RBFOX1: variants seen among roughly 807,000 people sequenced by gnomAD.
RBFOX1 encodes RNA binding protein fox-1 homolog 1.
Under a neutral mutation model 57.7 loss-of-function variants are expected in RBFOX1, and 8 were observed. The observed-to-expected ratio is 0.14, with a 90% CI of 0.08 to 0.25. RBFOX1 has a LOEUF of 0.25. Among genes scored for constraint, RBFOX1 ranks in the 10% least tolerant of loss-of-function variants. The pLI, the probability that RBFOX1 is intolerant of heterozygous loss-of-function variation, is 1.00. For missense variants in RBFOX1, 611 were observed against 548.5 expected (o/e 1.11, Z -1.14); for synonymous variants, 326 against 222.4 (o/e 1.47, Z -4.15).
chr16:7,656,514 A>C (rs1047745272), intron 12 of RBFOX1, among the ~76,000 whole-genome samples: 1 of 152,216 alleles, frequency 6.6e-6, no homozygotes, highest in South Asian at 2.1e-4. Flanking sequence ...GAAAGCAAGT[A>C]GCATAGAGGT....
At chr16:7,224,859 A>G in intron 4 of RBFOX1, among the ~76,000 whole-genome samples, 1 of 152,196 alleles carries the variant, frequency 6.6e-6, no homozygotes, top group Non-Finnish European at 1.5e-5. Flanking sequence ...CTACTGGATC[A>G]GAATGTGCAC....
At chr16:5,869,431 C>G (rs967390947) in intron 4 of RBFOX1, among the ~76,000 whole-genome samples, 4 of 152,174 alleles carry the variant, frequency 2.6e-5, no homozygotes, top group Admixed American at 2.0e-4. Flanking sequence ...TAGATGGGGA[C>G]TCTCCCAGTC....
Position 7,497,509 on chromosome 16 carries a change from T to A in RBFOX1, c.28-20638T>A, listed in dbSNP as rs190873408. ...TGCTTTGATCATCGATTTTTTGGTA[T>A]CTCTCTTTATCCAGATCTTAATCTG... On this transcript the variant is annotated intron_variant, in intron 4 of 15. Transcript: ENST00000550418. 8.5e-5 allele frequency among the ~76,000 whole-genome samples: 13 copies of A among 152,328 alleles called. No individual in the cohort carries two copies. The East Asian group carries it at 1.9e-3, about 23-fold the overall frequency.
chr16:7,208,135 C>T (rs1380835158), intron 4 of RBFOX1, among the ~76,000 whole-genome samples: 1 of 151,990 alleles, frequency 6.6e-6, no homozygotes, highest in African/African-American at 2.4e-5. Context: ...TTTATGTATC[C>T]CTGGAGTTTG....
chr16:5,695,315 T>G (rs1162667196), intron 3 of RBFOX1, among the ~76,000 whole-genome samples: 1 of 152,192 alleles, frequency 6.6e-6, no homozygotes, highest in Non-Finnish European at 1.5e-5. Flanking sequence ...TACATTTCTA[T>G]ATATCAGGGC....
At chr16:5,872,599 G>A (rs1325409217) in intron 4 of RBFOX1, among the ~76,000 whole-genome samples, 1 of 151,976 alleles carries the variant, frequency 6.6e-6, no homozygotes, top group Non-Finnish European at 1.5e-5. Context: ...TGGCAGGTGT[G>A]GTGCTGTGTG....
Position 7,676,822 on chromosome 16 carries a change from G to C in RBFOX1, c.979G>C (p.Ala327Pro). ...CGCCCAGCCTACCCCTGCCACTGCC[G>C]CTGCCTACAGTGACAGGTAAGGGTC... The part of the protein sequence containing the change: ...RYAQPTPATA[A>P]AYSDSYGRVY... The change falls in exon 14 of 16, where the codon GCT becomes CCT. Residue 327 changes from alanine to proline, a missense_variant. Around this residue, in one of 3 missense-constraint regions of RBFOX1, gnomAD observed 267 missense variants for 229.1 expected, o/e 1.17. Transcript: ENST00000550418. 6.2e-7 allele frequency: 1 copy of C among 1,612,650 alleles called. No homozygotes were observed. Among genetic ancestry groups the C allele is most frequent in the Non-Finnish European group, 8.5e-7 (1 of 1,178,918 alleles).
chr16:7,021,674 G>A (rs1425051136), intron 3 of RBFOX1, among the ~76,000 whole-genome samples: 2 of 147,968 alleles, frequency 1.4e-5, no homozygotes, highest in African/African-American at 4.9e-5. Context: ...CAGCCTATTT[G>A]CACAGACTGG....
chr16:6,944,848 T>G, intron 3 of RBFOX1, among the ~76,000 whole-genome samples: 1 of 152,160 alleles, frequency 6.6e-6, no homozygotes, highest in East Asian at 1.9e-4. Context: ...CAGAATCCAA[T>G]TAGCAACTCC....
intron 4 of RBFOX1, among the ~76,000 whole-genome samples, chr16:7,361,389 A>G (rs144496593): frequency 6.6e-6 from 1 of 152,248 alleles, no homozygotes; most frequent in Non-Finnish European, 1.5e-5. Context: ...GATTAAAACC[A>G]TTTTGCATCA....
At chr16:5,712,955 G>T (rs2051549199) in intron 3 of RBFOX1, among the ~76,000 whole-genome samples, 1 of 141,840 alleles carries the variant, frequency 7.1e-6, no homozygotes, top group Admixed American at 7.3e-5. Flanking sequence ...GCTGTATCAT[G>T]ATTGGTCTCT....
intron 1 of RBFOX1, among the ~76,000 whole-genome samples, chr16:6,065,637 G>T (rs978747733): frequency 6.6e-6 from 1 of 152,140 alleles, no homozygotes; most frequent in African/African-American, 2.4e-5. Context: ...AACCTCCAAA[G>T]TTTCATTTCT....
intron 4 of RBFOX1, among the ~76,000 whole-genome samples, chr16:7,494,174 T>C (rs1215430382): frequency 6.6e-6 from 1 of 152,190 alleles, no homozygotes; most frequent in Non-Finnish European, 1.5e-5. Context: ...TTTTTTGGAC[T>C]GGGATGTTTG....
intron 3 of RBFOX1, among the ~76,000 whole-genome samples, chr16:5,695,528 G>T (rs1005747342): frequency 1.5e-4 from 23 of 152,196 alleles, no homozygotes; most frequent in African/African-American, 5.5e-4. Context: ...ATGATAGATG[G>T]ATGGGATGAT....
chr16:7,226,668 G>A (rs1161897687), intron 4 of RBFOX1, among the ~76,000 whole-genome samples: 2 of 152,204 alleles, frequency 1.3e-5, no homozygotes, highest in African/African-American at 4.8e-5. Context: ...GAGTCTTTCA[G>A]ACTTAATTTC....
intron 2 of RBFOX1, among the ~76,000 whole-genome samples, chr16:6,514,263 G>A (rs1267549114): frequency 6.6e-6 from 1 of 152,082 alleles, no homozygotes; most frequent in African/African-American, 2.4e-5. Context: ...ACACGTACAC[G>A]GGCAATCCTT....
At chr16:7,269,897 TTAATC>T (rs1383425778) in intron 4 of RBFOX1, among the ~76,000 whole-genome samples, 5 of 152,240 alleles carry the variant, frequency 3.3e-5, no homozygotes, top group Non-Finnish European at 5.9e-5. Flanking sequence ...AGCATACCGT[TTAATC>T]TAGTCATTAC....
chr16:5,636,127 C>T (rs1319996212), intron 3 of RBFOX1, among the ~76,000 whole-genome samples: 3 of 152,120 alleles, frequency 2.0e-5, no homozygotes, highest in Non-Finnish European at 4.4e-5. Flanking sequence ...GCGGGTGGAT[C>T]ACCTGAGGTC....
intron 4 of RBFOX1, among the ~76,000 whole-genome samples, chr16:5,978,101 G>C (rs2060101524): frequency 7.7e-6 from 1 of 130,416 alleles, no homozygotes; most frequent in African/African-American, 2.9e-5. Flanking sequence ...ACCAGGCTGG[G>C]CATCCTAGGG....
Sources: allele counts gnomAD v4.1 joint callset (sites outside exome capture counted in the v4.1 genomes callset), GRCh38; gene constraint gnomAD v4.1.1; regional missense constraint gnomAD v4.1.1; transcripts MANE v1.5; gene names NCBI Gene and HGNC (gene_info 2026-07-23, HGNC 2026-07-21).